Variants in NPAS4 observed in about 807,000 individuals in gnomAD.
NPAS4 encodes neuronal PAS domain protein 4.
A neutral mutation model predicts 64.0 loss-of-function variants in NPAS4; 10 were observed. The ratio of observed to expected loss-of-function variants is 0.16; its 90% CI spans 0.10 to 0.26. The LOEUF (loss-of-function observed/expected upper bound fraction) is 0.26. Among genes scored for constraint, NPAS4 ranks in the 10% least tolerant of loss-of-function variants. The probability of loss-of-function intolerance (pLI) is 1.00; values close to 1 mark genes in which losing one functional copy is unlikely to be tolerated. For missense variants in NPAS4, 886 were observed against 992.6 expected, an observed-to-expected ratio of 0.89 and a Z score of 1.44; for synonymous variants, 441 against 411.7, an observed-to-expected ratio of 1.07 and a Z score of -0.86.
At chr11:66,413,856 C>T in the NPAS4 span, among the ~76,000 whole-genome samples, 1 of 152,200 alleles carries the variant, frequency 6.6e-6, no homozygotes, top group African/African-American at 2.4e-5. Flanking sequence ...ACTGAAGTGG[C>T]TGGATGGACC....
chr11:66,424,428 T>C lies in NPAS4; in HGVS notation c.1538T>C (p.Leu513Pro). Residue 513 changes from leucine (L) to proline (P), a missense_variant, in exon 7 of 8, where the codon CTT (leucine) becomes CCT (proline). Leu to Pro is a moderately conservative substitution (Grantham distance 98). Around this residue, in one of 3 missense-constraint regions of NPAS4, gnomAD observed 820 missense variants for 855.5 expected, o/e 0.96. Transcript: ENST00000311034. ...PCTSTFPDQLLPSTATFPEPL... is the reference protein window; with the variant it reads ...PCTSTFPDQLPPSTATFPEPL... ...ACCTCCACCTTCCCAGACCAGCTGCTTCCCAGCACAGCCACCTTCCCAGAG... is the reference window on the plus strand; with the variant it reads ...ACCTCCACCTTCCCAGACCAGCTGCCTCCCAGCACAGCCACCTTCCCAGAG... 6.2e-7 allele frequency: 1 copy of C among 1,613,984 alleles called. No individual in the cohort carries two copies. Among genetic ancestry groups the C allele is most frequent in the Non-Finnish European group, 8.5e-7 (1 of 1,179,956 alleles).
intron 7 of NPAS4, among the ~76,000 whole-genome samples, chr11:66,425,618 C>A (rs540381565): frequency 1.3e-5 from 2 of 152,082 alleles, no homozygotes; most frequent in Non-Finnish European, 2.9e-5. Flanking sequence ...TTAGGGTGCA[C>A]AACAAACTGA....
chr11:66,422,686 G>A lies in NPAS4; in HGVS notation c.443G>A (p.Arg148His). ...TTCATCTATCTAGATCGCCTCTTCC[G>A]CTGCCGCTTCAACACCTCCAAGTCC... ...PSALDTDRLF[R>H]CRFNTSKSLR... The change falls in exon 4 of 8, where the codon CGC (arginine) becomes CAC (histidine). Residue 148 changes from arginine (R) to histidine (H), a missense_variant. Coordinates refer to ENST00000311034, the MANE Select transcript of NPAS4 (RefSeq NM_178864.4). The A allele has an allele frequency of 6.2e-7, 1 of 1,613,668 alleles. No individual in the cohort carries two copies. The highest frequency in any genetic ancestry group is 8.5e-7 in the Non-Finnish European group (1 of 1,179,872).
chr11:66,421,432 G>A (rs1856739590), intron 1 of NPAS4, 78 bp downstream of exon 1: 2 of 1,374,596 alleles, frequency 1.5e-6, no homozygotes, highest in Non-Finnish European at 2.1e-6. Flanking sequence ...CGCTGGGGCT[G>A]TCGCATGTCT....
At chr11:66,415,037 C>A in the NPAS4 span, among the ~76,000 whole-genome samples, 1 of 152,170 alleles carries the variant, frequency 6.6e-6, no homozygotes, top group Admixed American at 6.5e-5. Flanking sequence ...CCTTTTCCTC[C>A]CATATGTAAA....
chr11:66,425,112 C>T lies in NPAS4; in HGVS notation c.2222C>T (p.Ser741Leu), dbSNP rs267603127. 60 of 1,604,542 alleles carry T rather than the reference C, an allele frequency of 3.7e-5. No individual in the cohort carries two copies. The Middle Eastern group carries it at 6.6e-4, about 18-fold the overall frequency. Reference protein sequence around the residue: ...PEAEGPGGAPSPCNNLSPEDH... With the variant: ...PEAEGPGGAPLPCNNLSPEDH... ...GCAGAGGGCCCAGGAGGGGCCCCATCGCCTTGCAACAACCTGTCCCCAGAA... is the reference window on the plus strand; with the variant it reads ...GCAGAGGGCCCAGGAGGGGCCCCATTGCCTTGCAACAACCTGTCCCCAGAA... The change falls in exon 7 of 8, where the codon TCG (serine) becomes TTG (leucine). Residue 741 changes from serine to leucine, a missense_variant. Coordinates refer to ENST00000311034, the MANE Select transcript of NPAS4 (RefSeq NM_178864.4).
the NPAS4 span, among the ~76,000 whole-genome samples, chr11:66,414,346 T>C: frequency 1.3e-5 from 2 of 152,232 alleles, no homozygotes; most frequent in Admixed American, 6.5e-5. Context: ...CCTCTTGGAA[T>C]GTGGCTGCTC....
At chr11:66,416,736 A>T (rs1240732217), upstream of NPAS4, 1 of 152,184 alleles carries the variant, frequency 6.6e-6, no homozygotes, top group African/African-American at 2.4e-5. Context: ...ATTCATTCAT[A>T]TTCTTTCTGT....
rs138829720 is a variant in NPAS4, at chr11:66,424,928, C to T, written c.2038C>T (p.Pro680Ser). 3.7e-6 allele frequency: 6 copies of T among 1,613,972 alleles called. No individual in the cohort carries two copies. Among genetic ancestry groups the T allele is most frequent in the Non-Finnish European group, 5.1e-6 (6 of 1,180,016 alleles). ...SNLSLSGAGP[P>S]VLSLDLKPWK... ...CCTGTCCCTGTCAGGGGCAGGCCCC[C>T]CTGTGCTCAGCCTGGACCTGAAACC... Residue 680 changes from proline to serine, a missense_variant, in exon 7 of 8, where the codon CCT becomes TCT. Physicochemically the swap from Pro to Ser is moderately conservative, Grantham distance 74. Coordinates refer to ENST00000311034, the MANE Select transcript of NPAS4 (RefSeq NM_178864.4).
intron 7 of NPAS4, among the ~76,000 whole-genome samples, 162 bp from the exon 8 acceptor site, chr11:66,425,799 G>T (rs117404271): frequency 1.1e-4 from 17 of 152,072 alleles, no homozygotes; most frequent in Non-Finnish European, 1.8e-4. Flanking sequence ...GTTTCACTCC[G>T]TCCATCCAAA....
In NPAS4 at chr11:66,421,153, C is replaced by A. The variant is rs776038259; in HGVS notation, c.-27C>A. On this transcript the variant is annotated 5_prime_UTR_variant, in exon 1 of 8. Coordinates refer to ENST00000311034, the MANE Select transcript of NPAS4 (RefSeq NM_178864.4). ...ACGGGAGCGCAGGTGCTCGGGCACC[C>A]GAGCTGGAGCTCCGCAGCCGCCGGT... is the stretch of plus-strand genomic sequence containing the variant. 6.4e-7 allele frequency: 1 copy of A among 1,568,004 alleles called. No homozygotes were observed. Among genetic ancestry groups the A allele is most frequent in the Admixed American group, 1.9e-5 (1 of 53,070 alleles).
chr11:66,424,997 A>G lies in NPAS4; in HGVS notation c.2107A>G (p.Met703Val). 1 of 1,613,894 alleles carries G rather than the reference A, an allele frequency of 6.2e-7. No individual in the cohort carries two copies. The highest frequency in any genetic ancestry group is 8.5e-7 in the Non-Finnish European group (1 of 1,179,944). ...ELDFLADPDNMFLEETPVEDI... is the reference protein window; with the variant it reads ...ELDFLADPDNVFLEETPVEDI... ...GGACTTCCTGGCTGACCCTGATAACATGTTCCTGGAAGAGACGCCCGTGGA... is the reference window on the plus strand; with the variant it reads ...GGACTTCCTGGCTGACCCTGATAACGTGTTCCTGGAAGAGACGCCCGTGGA... The change falls in exon 7 of 8, where the codon ATG becomes GTG. Residue 703 changes from methionine to valine, a missense_variant. Coordinates refer to ENST00000311034, the MANE Select transcript of NPAS4 (RefSeq NM_178864.4).
chr11:66,418,339 C>T (rs1399452678), upstream of NPAS4, among the ~76,000 whole-genome samples: 1 of 152,196 alleles, frequency 6.6e-6, no homozygotes, highest in Non-Finnish European at 1.5e-5. Context: ...GCCAGGAGCT[C>T]TCTAGTGTGC....
Position 66,424,302 on chromosome 11 carries a change from C to G in NPAS4, c.1412C>G (p.Thr471Arg). The G allele has an allele frequency of 6.2e-7, 1 of 1,614,184 alleles. No homozygotes were observed. ...ACTGCGACCTTCTCTGATCAGTTGA[C>G]GCCCAGCAGTGCAACCTTCCCAGAT... is the stretch of plus-strand genomic sequence containing the variant. The part of the protein sequence containing the change: ...PSTATFSDQL[T>R]PSSATFPDPL... The change falls in exon 7 of 8, where the codon ACG becomes AGG. Residue 471 changes from threonine (T) to arginine (R), a missense_variant. Coordinates refer to ENST00000311034, the MANE Select transcript of NPAS4 (RefSeq NM_178864.4).
Position 66,426,273 on chromosome 11 carries a change from T to G in NPAS4, c.*284T>G, listed in dbSNP as rs1255110103. 7.9e-6 allele frequency: 3 copies of G among 380,124 alleles called. No homozygotes were observed. 23.5% of individuals were successfully genotyped at this position (380,124 alleles called of 1,614,324 possible). On this transcript the variant is annotated 3_prime_UTR_variant, in exon 8 of 8. Coordinates refer to ENST00000311034, the MANE Select transcript of NPAS4 (RefSeq NM_178864.4). ...ATTTCAAGCGGAGAATGGGGGAGTCTCACTTCCCCGCCGCCTTGCCCCATT... is the reference window on the plus strand; with the variant it reads ...ATTTCAAGCGGAGAATGGGGGAGTCGCACTTCCCCGCCGCCTTGCCCCATT...
chr11:66,426,123 G>T lies in NPAS4; in HGVS notation c.*134G>T. The T allele has an allele frequency of 1.9e-5, 8 of 414,188 alleles. No individual in the cohort carries two copies. Among genetic ancestry groups the T allele is most frequent in the East Asian group, 5.6e-5 (1 of 17,972 alleles). 25.7% of individuals were successfully genotyped at this position (414,188 alleles called of 1,614,324 possible). A position where few individuals can be genotyped will look rare whatever the true frequency, so the allele number is the denominator to read the frequency against. Reference sequence around the variant, plus strand: ...TATATATGATTCCCCAGGCCCTGCAGGATTTTGGGGGGGGGGAGGTGGGAG... The same window carrying T: ...TATATATGATTCCCCAGGCCCTGCATGATTTTGGGGGGGGGGAGGTGGGAG... On this transcript the variant is annotated 3_prime_UTR_variant, in exon 8 of 8. Transcript: ENST00000311034.
At position 66,423,703 on chromosome 11, in the gene NPAS4, T is replaced by C; in HGVS notation, c.934T>C (p.Tyr312His). ...GPEGPITANN[Y>H]PISDMEAWSL... is the part of the protein sequence containing the mutation. The stretch of plus-strand genomic sequence containing the variant: ...AGAGGGACCCATTACTGCCAATAAC[T>C]ACCCAATCAGGTAAGCCACAAGCCA... The change falls in exon 6 of 8, where the codon TAC (tyrosine) becomes CAC (histidine). Residue 312 changes from tyrosine to histidine, a missense_variant. Physicochemically the swap from Tyr to His is moderately conservative, Grantham distance 83. Around this residue, in one of 3 missense-constraint regions of NPAS4, gnomAD observed 820 missense variants for 855.5 expected, o/e 0.96. Coordinates refer to ENST00000311034, the MANE Select transcript of NPAS4 (RefSeq NM_178864.4). 6.2e-7 allele frequency: 1 copy of C among 1,614,132 alleles called. No homozygotes were observed. The highest frequency in any genetic ancestry group is 8.5e-7 in the Non-Finnish European group (1 of 1,180,014).
At position 66,423,462 on chromosome 11, in the gene NPAS4, G is replaced by T. The variant is rs543495780; in HGVS notation, c.809-116G>T. On this transcript the variant is annotated intron_variant, in intron 5 of 7. Transcript: ENST00000311034. Reference sequence around the variant, plus strand: ...AGAGAGCTGAGTGGTTCAGGTGAGGGTAGTCAGAAGAGAGGATGTCACGGC... The same window carrying T: ...AGAGAGCTGAGTGGTTCAGGTGAGGTTAGTCAGAAGAGAGGATGTCACGGC... The T allele has an allele frequency of 4.8e-6, 6 of 1,246,400 alleles. No individual in the cohort carries two copies. In the South Asian group the frequency reaches 8.0e-5, roughly 17 times the overall value. The allele number at this position is 1,246,400 out of a possible 1,614,324, so 77.2% of individuals were successfully genotyped here. A position where few individuals can be genotyped will look rare whatever the true frequency, so the allele number is the denominator to read the frequency against.
At chr11:66,416,375 A>C (rs921205197), upstream of NPAS4, among the ~76,000 whole-genome samples, 1 of 152,162 alleles carries the variant, frequency 6.6e-6, no homozygotes, top group Admixed American at 6.5e-5. Context: ...GCACGGGAGG[A>C]AACAAGGAAT....
Sources: gnomAD v4.1 joint callset for allele counts (sites outside exome capture counted in the v4.1 genomes callset) on GRCh38, gnomAD v4.1.1 for gene constraint, gnomAD v4.1.1 regional missense constraint, MANE v1.5 for transcripts, NCBI Gene and HGNC (gene_info 2026-07-23, HGNC 2026-07-21) for gene names.